Variants in VNN1 observed in about 807,000 individuals in gnomAD.
VNN1 encodes the protein pantetheinase.
Under a neutral mutation model 41.9 loss-of-function variants are expected in VNN1, and 29 were observed. The ratio of observed to expected loss-of-function variants is 0.69; its 90% CI spans 0.52 to 0.94. VNN1 has a LOEUF of 0.94. Ranked by LOEUF, VNN1 falls within the 40% of genes least tolerant of loss-of-function variation. VNN1 has a pLI of 0.00. For missense variants in VNN1, 637 were observed against 621.1 expected, an observed-to-expected ratio of 1.03 and a Z score of -0.27; for synonymous variants, 233 against 224.4, an observed-to-expected ratio of 1.04 and a Z score of -0.34.
At position 132,693,255 on chromosome 6, in the gene VNN1, A is replaced by G; in HGVS notation, c.595T>C (p.Phe199Leu). Residue 199 changes from phenylalanine (F) to leucine (L), a missense_variant, in exon 4 of 7, where the codon TTC (phenylalanine) becomes CTC (leucine). Physicochemically the swap from Phe to Leu is conservative, Grantham distance 22. Coordinates refer to ENST00000367928, the MANE Select transcript of VNN1 (RefSeq NM_004666.3). Reference sequence around the variant, plus strand: ...CCAAAACTTCCAAAGGTGGTATTGAAAGTCACAATCTCAGGCTCCTTGGGT... The same window carrying G: ...CCAAAACTTCCAAAGGTGGTATTGAGAGTCACAATCTCAGGCTCCTTGGGT... ...NVPKEPEIVT[F>L]NTTFGSFGIF... 1 of 1,614,088 alleles carries G rather than the reference A, an allele frequency of 6.2e-7. No homozygotes were observed. Among genetic ancestry groups the G allele is most frequent in the East Asian group, 2.2e-5 (1 of 44,856 alleles).
At chr6:132,683,894 C>T (rs1393316378) in intron 6 of VNN1, among the ~76,000 whole-genome samples, 4 of 152,124 alleles carry the variant, frequency 2.6e-5, no homozygotes, top group Admixed American at 6.6e-5. Context: ...TGCTAACATC[C>T]GCCACTGTCA....
chr6:132,703,694 C>A (rs908805136), intron 2 of VNN1, among the ~76,000 whole-genome samples: 2 of 151,994 alleles, frequency 1.3e-5, no homozygotes, highest in South Asian at 4.1e-4. Flanking sequence ...AGGAGTATGT[C>A]CTTACTTAAC....
In VNN1 at chr6:132,684,254, T is replaced by C. The variant is rs546216590; in HGVS notation, c.1359+81A>G. The C allele has an allele frequency of 5.7e-5, 79 of 1,377,626 alleles. No homozygotes were observed. The Middle Eastern group carries it at 1.1e-3, about 20-fold the overall frequency. The allele number at this position is 1,377,626 out of a possible 1,614,324, so 85.3% of individuals were successfully genotyped here. A position where few individuals can be genotyped will look rare whatever the true frequency, so the allele number is the denominator to read the frequency against. On this transcript the variant is annotated intron_variant, in intron 6 of 6. Coordinates refer to ENST00000367928, the MANE Select transcript of VNN1 (RefSeq NM_004666.3). ...TTCTAAATGGAAATTTTATGATATTTGTAAGCACTTGAGCAGATTTTTATA... is the reference window on the plus strand; with the variant it reads ...TTCTAAATGGAAATTTTATGATATTCGTAAGCACTTGAGCAGATTTTTATA...
intron 2 of VNN1, 65 bp from the exon 3 acceptor site, chr6:132,694,247 G>T (rs1778335460): frequency 6.9e-7 from 1 of 1,442,654 alleles, no homozygotes; most frequent in Admixed American, 2.5e-5. Flanking sequence ...ACAAAATCCT[G>T]AATGATAGTT....
Position 132,693,129 on chromosome 6 carries a change from CAT to C in VNN1, c.719_720del (p.Asn240SerfsTer9). Reference protein sequence around the residue: ...DTIVFPTAWMNVLPHLSAVEF... With the variant: ...DTIVFPTAWMXVLPHLSAVEF... ...TCAACAGCTGACAAATGTGGCAAAA[CAT>C]TCATCCAAGCTGTTGGGAATACTAT... is the stretch of plus-strand genomic sequence containing the variant. On this transcript the variant is annotated frameshift_variant, in exon 4 of 7. Transcript: ENST00000367928. LOFTEE classifies it high-confidence loss of function. The C allele has an allele frequency of 1.2e-6, 2 of 1,614,122 alleles. No individual in the cohort carries two copies. Among genetic ancestry groups the C allele is most frequent in the Non-Finnish European group, 1.7e-6 (2 of 1,180,018 alleles).
At position 132,699,200 on chromosome 6, in the gene VNN1, T is replaced by C. The variant is rs561429520; in HGVS notation, c.342-5018A>G. ...CTTGATGAGAATGGAAAAGATTGCA[T>C]TGGAGAAGTTGTAATGTAAAGTGAA... On this transcript the variant is annotated intron_variant, in intron 2 of 6. Coordinates refer to ENST00000367928, the MANE Select transcript of VNN1 (RefSeq NM_004666.3). The C allele has an allele frequency of 7.8e-5, 28 of 356,756 alleles. 2 individuals carry two copies. The Middle Eastern group carries it at 1.6e-3, about 20-fold the overall frequency. The allele number at this position is 356,756 out of a possible 1,614,324, so 22.1% of individuals were successfully genotyped here. A position where few individuals can be genotyped will look rare whatever the true frequency, so the allele number is the denominator to read the frequency against.
rs774720099 is a variant in VNN1, at chr6:132,683,216, G to A, written c.1466C>T (p.Ser489Leu). The change falls in exon 7 of 7, where the codon TCA becomes TTA. Residue 489 changes from serine to leucine, a missense_variant. Coordinates refer to ENST00000367928, the MANE Select transcript of VNN1 (RefSeq NM_004666.3). ...TCTTGCTTGTGCTGTGAGGCCTGAT[G>A]AAGCATTTGATGCCCAGTCCTTCTC... ...LYEKDWASNASSGLTAQARII... is the reference protein window; with the variant it reads ...LYEKDWASNALSGLTAQARII... 1 of 1,614,108 alleles carries A rather than the reference G, an allele frequency of 6.2e-7. No individual in the cohort carries two copies. Among genetic ancestry groups the A allele is most frequent in the Non-Finnish European group, 8.5e-7 (1 of 1,179,994 alleles).
intron 2 of VNN1, among the ~76,000 whole-genome samples, chr6:132,697,133 A>G (rs1212323822): frequency 6.6e-6 from 1 of 152,156 alleles, no homozygotes. Context: ...AAAATATTTT[A>G]AAAAAAGAAA....
chr6:132,699,497 C>G (rs1021858398), intron 2 of VNN1: 2 of 162,042 alleles, frequency 1.2e-5, no homozygotes, highest in Admixed American at 1.3e-4. Context: ...AGAGATGTGA[C>G]CTTCTGGAAA....
rs539668888 is a variant in VNN1, at chr6:132,701,362, A to G, written c.342-7180T>C. ...AGTAATATATAATTCAGACATGTGC[A>G]CTTTATTATACAGAAGGAATATACC... On this transcript the variant is annotated intron_variant, in intron 2 of 6. Coordinates refer to ENST00000367928, the MANE Select transcript of VNN1 (RefSeq NM_004666.3). Among the ~76,000 whole-genome samples, 33 of 152,360 alleles carry G rather than the reference A, an allele frequency of 2.2e-4. 1 individual carries two copies. Among genetic ancestry groups the G allele is most frequent in the African/African-American group, 7.5e-4 (31 of 41,574 alleles).
chr6:132,682,259 G>A lies in VNN1; in HGVS notation c.*881C>T, dbSNP rs1288959121. ...CCAGACCAGCTGAATATTCTTACCA[G>A]GTAAGCCTTTTGTTGAAGCTTCAGA... On this transcript the variant is annotated 3_prime_UTR_variant, in exon 7 of 7. Coordinates refer to ENST00000367928, the MANE Select transcript of VNN1 (RefSeq NM_004666.3). 6.6e-6 allele frequency: 1 copy of A among 152,320 alleles called. No homozygotes were observed. The highest frequency in any genetic ancestry group is 1.9e-4 in the East Asian group (1 of 5,194). 9.4% of individuals were successfully genotyped at this position (152,320 alleles called of 1,614,324 possible). A position where few individuals can be genotyped will look rare whatever the true frequency, so the allele number is the denominator to read the frequency against.
chr6:132,700,135 G>T lies in VNN1; in HGVS notation c.342-5953C>A, dbSNP rs985794709. Among the ~76,000 whole-genome samples, 4 of 152,232 alleles carry T rather than the reference G, an allele frequency of 2.6e-5. 1 individual carries two copies. The highest frequency in any genetic ancestry group is 2.0e-4 in the Admixed American group (3 of 15,284). ...CAAAATCAATATGAATTTGAATATT[G>T]TACCTAAAGAAAAAGTAAGATATGG... On this transcript the variant is annotated intron_variant, in intron 2 of 6. Coordinates refer to ENST00000367928, the MANE Select transcript of VNN1 (RefSeq NM_004666.3).
intron 2 of VNN1, among the ~76,000 whole-genome samples, chr6:132,697,175 G>A (rs776527037): frequency 6.6e-6 from 1 of 151,952 alleles, no homozygotes; most frequent in Non-Finnish European, 1.5e-5. Flanking sequence ...AAGGAAGGAA[G>A]GAAGGATGGA....
At chr6:132,683,844 C>G (rs549049761) in intron 6 of VNN1, among the ~76,000 whole-genome samples, 7 of 152,342 alleles carry the variant, frequency 4.6e-5, no homozygotes, top group African/African-American at 1.7e-4. Context: ...ACATGTGAAG[C>G]AAGGGATTAT....
intron 2 of VNN1, among the ~76,000 whole-genome samples, chr6:132,697,171 G>C (rs1778387071): frequency 6.6e-6 from 1 of 151,990 alleles, no homozygotes; most frequent in Admixed American, 6.6e-5. Context: ...GAGGAAGGAA[G>C]GAAGGAAGGA....
At chr6:132,703,430 G>A (rs908766893) in intron 2 of VNN1, among the ~76,000 whole-genome samples, 3 of 152,062 alleles carry the variant, frequency 2.0e-5, no homozygotes, top group African/African-American at 7.2e-5. Flanking sequence ...AAAGTATGAA[G>A]CTTTTATTAG....
chr6:132,694,486 A>G (rs1412494308), intron 2 of VNN1, among the ~76,000 whole-genome samples: 3 of 152,198 alleles, frequency 2.0e-5, no homozygotes, highest in Non-Finnish European at 4.4e-5. Flanking sequence ...TGTCTGCAGC[A>G]TCCTGTGGAT....
Position 132,694,153 on chromosome 6 carries a change from A to G in VNN1, c.371T>C (p.Leu124Pro). 1 of 1,612,066 alleles carries G rather than the reference A, an allele frequency of 6.2e-7. No individual in the cohort carries two copies. ...RFGQTPVQER[L>P]SCLAKNNSIY... ...AGAGTTGTTCTTGGCCAGGCAGCTG[A>G]GTCTTTCTTGTACTGGGGTCTGGCC... Residue 124 changes from leucine to proline, a missense_variant, in exon 3 of 7, where the codon CTC becomes CCC. Coordinates refer to ENST00000367928, the MANE Select transcript of VNN1 (RefSeq NM_004666.3).
intron 2 of VNN1, among the ~76,000 whole-genome samples, chr6:132,695,551 A>G (rs554227467): frequency 3.3e-5 from 5 of 152,332 alleles, no homozygotes; most frequent in East Asian, 1.9e-4. Context: ...ACAAATGCAA[A>G]GGCAAGCAGC....
Sources: gnomAD v4.1 joint callset for allele counts (sites outside exome capture counted in the v4.1 genomes callset) on GRCh38, gnomAD v4.1.1 for gene constraint, MANE v1.5 for transcripts, NCBI Gene and HGNC (gene_info 2026-07-23, HGNC 2026-07-21) for gene names.